Variants in RNASEH2B observed in about 807,000 individuals in gnomAD.
RNASEH2B encodes the protein ribonuclease H2 subunit B.
RNASEH2B carries 36 observed loss-of-function variants against 45.0 expected under a neutral mutation model. The ratio of observed to expected loss-of-function variants is 0.80; its 90% CI spans 0.61 to 1.06. RNASEH2B has a LOEUF of 1.06. Among genes scored for constraint, RNASEH2B ranks in the 50% least tolerant of loss-of-function variants. The pLI, the probability that RNASEH2B is intolerant of heterozygous loss-of-function variation, is 0.00. For synonymous variants in RNASEH2B, 119 were observed against 125.7 expected (o/e 0.95, Z 0.35); for missense variants, 361 against 360.3 (o/e 1.00, Z -0.02).
intron 5 of RNASEH2B, chr13:50,942,702 G>A (rs558452522): frequency 2.0e-5 from 3 of 152,462 alleles, no homozygotes; most frequent in African/African-American, 7.2e-5. Flanking sequence ...AGTTAAAGAT[G>A]CACCCATGAC....
intron 9 of RNASEH2B, 178 bp from the exon 10 acceptor site, chr13:50,953,727 C>G: frequency 1.6e-6 from 1 of 617,992 alleles, no homozygotes; most frequent in African/African-American, 1.8e-5. Context: ...ATGTGTGGCT[C>G]AATTCCCTAG....
chr13:50,912,848 G>A (rs1009388327), intron 1 of RNASEH2B: 5 of 152,240 alleles, frequency 3.3e-5, no homozygotes, highest in African/African-American at 1.2e-4. Context: ...GGATTTATCC[G>A]TGAGACAAGG....
intron 1 of RNASEH2B, chr13:50,910,511 T>G: frequency 5.3e-6 from 1 of 189,044 alleles, no homozygotes; most frequent in Non-Finnish European, 1.1e-5. Context: ...TCTGTGATCC[T>G]ACTGGGTTGG....
At chr13:50,967,238 C>T (rs1167634750) in intron 9 of RNASEH2B, among the ~76,000 whole-genome samples, 1 of 152,168 alleles carries the variant, frequency 6.6e-6, no homozygotes, top group Non-Finnish European at 1.5e-5. Flanking sequence ...TGAACCAGCT[C>T]ATGTGTTTTG....
intron 9 of RNASEH2B, 70 bp from the exon 10 acceptor site, chr13:50,953,835 G>T (rs1952007280): frequency 2.0e-6 from 2 of 1,016,588 alleles, no homozygotes; most frequent in African/African-American, 1.6e-5. Flanking sequence ...TACATGTTGG[G>T]TTTTTTTTTA....
chr13:50,925,254 A>G (rs1593454077), intron 1 of RNASEH2B, among the ~76,000 whole-genome samples: 1 of 151,758 alleles, frequency 6.6e-6, no homozygotes, highest in East Asian at 1.9e-4. Flanking sequence ...TAACTCGTCT[A>G]TGAGGATTGT....
chr13:50,945,350 A>G, intron 6 of RNASEH2B, 77 bp from the exon 7 acceptor site: 2 of 967,656 alleles, frequency 2.1e-6, no homozygotes, highest in South Asian at 2.6e-5. Flanking sequence ...AAATGGTCTG[A>G]AGGCCACCTA....
At chr13:50,916,014 C>T (rs1879722092) in intron 1 of RNASEH2B, among the ~76,000 whole-genome samples, 1 of 150,534 alleles carries the variant, frequency 6.6e-6, no homozygotes, top group Non-Finnish European at 1.5e-5. Flanking sequence ...GTTTTTCTCA[C>T]AGTGGTTTTT....
chr13:50,925,564 G>A (rs1291105697), intron 1 of RNASEH2B, among the ~76,000 whole-genome samples: 1 of 152,146 alleles, frequency 6.6e-6, no homozygotes, highest in Non-Finnish European at 1.5e-5. Context: ...AGTTAGGGCT[G>A]ACTCTTCCCT....
At chr13:50,924,808 A>G (rs761075018) in intron 1 of RNASEH2B, among the ~76,000 whole-genome samples, 8 of 152,218 alleles carry the variant, frequency 5.3e-5, no homozygotes, top group East Asian at 1.9e-4. Flanking sequence ...TTGGCCTCCC[A>G]AAGTGCTGGA....
chr13:50,963,273 AC>A (rs1487337413), intron 9 of RNASEH2B, among the ~76,000 whole-genome samples: 3 of 151,856 alleles, frequency 2.0e-5, no homozygotes, highest in Non-Finnish European at 4.4e-5. Flanking sequence ...CAAGTGATTC[AC>A]CTGCCTCAGC....
intron 1 of RNASEH2B, among the ~76,000 whole-genome samples, chr13:50,926,702 G>C (rs985033018): frequency 6.6e-6 from 1 of 151,838 alleles, no homozygotes; most frequent in African/African-American, 2.4e-5. Context: ...GTGATACAAA[G>C]GATACAACCA....
intron 1 of RNASEH2B, among the ~76,000 whole-genome samples, chr13:50,923,953 T>G (rs187094665): frequency 1.8e-4 from 28 of 152,328 alleles, no homozygotes; most frequent in African/African-American, 6.7e-4. Flanking sequence ...ACTCAGTTAA[T>G]ATTAATCTGA....
At chr13:50,969,281 G>A (rs1952194885) in intron 9 of RNASEH2B, among the ~76,000 whole-genome samples, 1 of 152,074 alleles carries the variant, frequency 6.6e-6, no homozygotes, top group Admixed American at 6.5e-5. Flanking sequence ...TCCACATTCT[G>A]GCATAGAAGT....
intron 1 of RNASEH2B, among the ~76,000 whole-genome samples, chr13:50,918,372 C>T (rs905400000): frequency 2.0e-5 from 3 of 152,170 alleles, no homozygotes; most frequent in African/African-American, 7.2e-5. Context: ...CTCCTGACGT[C>T]GTGATCCGCC....
intron 1 of RNASEH2B, chr13:50,913,119 C>T (rs972854680): frequency 3.3e-5 from 5 of 152,132 alleles, no homozygotes; most frequent in African/African-American, 1.2e-4. Flanking sequence ...GAACCATTTC[C>T]CATTTCAGCA....
intron 8 of RNASEH2B, 28 bp from the exon 9 acceptor site, chr13:50,949,434 AC>A: frequency 1.2e-6 from 2 of 1,609,408 alleles, no homozygotes; most frequent in Non-Finnish European, 1.7e-6. Flanking sequence ...AAAAACGATG[AC>A]TTTGATTGTT....
intron 1 of RNASEH2B, among the ~76,000 whole-genome samples, chr13:50,916,479 A>G (rs1879751860): frequency 6.6e-6 from 1 of 152,244 alleles, no homozygotes. Context: ...TGAACATTGA[A>G]GAGGTGTAAT....
At chr13:50,914,784 A>G (rs1167192137) in intron 1 of RNASEH2B, among the ~76,000 whole-genome samples, 1 of 152,146 alleles carries the variant, frequency 6.6e-6, no homozygotes, top group African/African-American at 2.4e-5. Context: ...CCACATATTT[A>G]TCCTCCAGGT....
Sources: allele counts gnomAD v4.1 joint callset (sites outside exome capture counted in the v4.1 genomes callset), GRCh38; gene constraint gnomAD v4.1.1; transcripts MANE v1.5; gene names NCBI Gene and HGNC (gene_info 2026-07-23, HGNC 2026-07-21).